Variants in BTNL8 observed in about 807,000 individuals in gnomAD.
BTNL8 encodes butyrophilin-like protein 8.
A neutral mutation model predicts 36.1 loss-of-function variants in BTNL8; 22 were observed. That is an observed-to-expected ratio of 0.61 (90% CI 0.44 to 0.87). The LOEUF (loss-of-function observed/expected upper bound fraction) is 0.87. Among genes scored for constraint, BTNL8 ranks in the 40% least tolerant of loss-of-function variants. The pLI is 0.00. For synonymous variants in BTNL8, 203 were observed against 235.6 expected, an observed-to-expected ratio of 0.86 and a Z score of 1.27; for missense variants, 526 against 616.9, an observed-to-expected ratio of 0.85 and a Z score of 1.56.
At chr5:180,912,684 C>A (rs1757455962) in intron 3 of BTNL8, among the ~76,000 whole-genome samples, 2 of 152,222 alleles carry the variant, frequency 1.3e-5, no homozygotes, top group South Asian at 4.2e-4. Context: ...CACAACATAG[C>A]AAGACCCCGT....
At chr5:180,949,323 G>A in intron 7 of BTNL8, 58 bp downstream of exon 7, 2 of 1,459,476 alleles carry the variant, frequency 1.4e-6, no homozygotes, top group Non-Finnish European at 1.9e-6. Flanking sequence ...ATGAGAGGGG[G>A]AACTGAACAG....
intron 3 of BTNL8, among the ~76,000 whole-genome samples, chr5:180,932,253 G>A (rs1268435743): frequency 2.6e-5 from 4 of 152,200 alleles, no homozygotes; most frequent in Non-Finnish European, 2.9e-5. Context: ...AATACGTAAT[G>A]TAGATGATGA....
At chr5:180,940,996 G>A (rs1758907062) in intron 3 of BTNL8, among the ~76,000 whole-genome samples, 1 of 151,978 alleles carries the variant, frequency 6.6e-6, no homozygotes, top group South Asian at 2.1e-4. Flanking sequence ...AGGAGGCTGA[G>A]GCTGAGAATC....
intron 3 of BTNL8, among the ~76,000 whole-genome samples, chr5:180,933,463 A>G (rs1249565419): frequency 1.3e-5 from 2 of 152,228 alleles, no homozygotes; most frequent in Non-Finnish European, 2.9e-5. Context: ...TCAGACCACA[A>G]TGGTACAACC....
Position 180,950,523 on chromosome 5 carries a change from C to T in BTNL8, c.1482C>T (p.Phe494=). ...SESSSQATTP[F]LPRGEM ...CCTCCTCACAGGCAACCACGCCCTT[C>T]CTCCCCAGGGGTGAAATGTAGGATG... Residue 494 remains phenylalanine, a synonymous_variant, in exon 8 of 8, where the codon TTC becomes TTT. Coordinates refer to ENST00000340184, the MANE Select transcript of BTNL8 (RefSeq NM_001040462.3). 1 of 1,462,880 alleles carries T rather than the reference C, an allele frequency of 6.8e-7. No individual in the cohort carries two copies. The highest frequency in any genetic ancestry group is 1.4e-5 in the African/African-American group (1 of 72,736). The allele number at this position is 1,462,880 out of a possible 1,614,324, so 90.6% of individuals were successfully genotyped here.
At chr5:180,906,527 AC>A (rs1399261159) in intron 1 of BTNL8, among the ~76,000 whole-genome samples, 1 of 123,398 alleles carries the variant, frequency 8.1e-6, no homozygotes, top group Non-Finnish European at 1.6e-5. Context: ...TTTACATTTA[AC>A]GTTAATATTG....
At chr5:180,926,386 A>G (rs1389519716) in intron 3 of BTNL8, among the ~76,000 whole-genome samples, 3 of 152,178 alleles carry the variant, frequency 2.0e-5, no homozygotes, top group Non-Finnish European at 4.4e-5. Context: ...TTTTAAGCAC[A>G]AAACTGGGTG....
intron 3 of BTNL8, among the ~76,000 whole-genome samples, chr5:180,927,877 C>T (rs570490328): frequency 1.1e-4 from 17 of 152,162 alleles, no homozygotes; most frequent in South Asian, 2.1e-4. Flanking sequence ...ATGAAAGTGA[C>T]GGGGAGAATG....
intron 4 of BTNL8, 131 bp downstream of exon 4, chr5:180,947,756 GT>G (rs1759343744): frequency 6.2e-7 from 1 of 1,613,638 alleles, no homozygotes; most frequent in Non-Finnish European, 8.5e-7. Context: ...GCCCAAAAAA[GT>G]AATCATCCTT....
At chr5:180,940,969 T>TG (rs1445830162) in intron 3 of BTNL8, among the ~76,000 whole-genome samples, 1 of 152,034 alleles carries the variant, frequency 6.6e-6, no homozygotes, top group Non-Finnish European at 1.5e-5. Context: ...GGCATGCACC[T>TG]GTAGCCCCAA....
At chr5:180,932,075 T>A (rs888060060) in intron 3 of BTNL8, among the ~76,000 whole-genome samples, 34 of 152,146 alleles carry the variant, frequency 2.2e-4, no homozygotes, top group African/African-American at 8.2e-4. Context: ...CCATCAATGA[T>A]AGGCTGGTTA....
In BTNL8 at chr5:180,949,930, G is replaced by A; in HGVS notation, c.889G>A (p.Ala297Thr). The change falls in exon 8 of 8, where the codon GCT becomes ACT. Residue 297 changes from alanine to threonine, a missense_variant. Physicochemically the swap from Ala to Thr is moderately conservative, Grantham distance 58. Around this residue, in one of 2 missense-constraint regions of BTNL8, gnomAD observed 176 missense variants for 292.3 expected, o/e 0.60. Coordinates refer to ENST00000340184, the MANE Select transcript of BTNL8 (RefSeq NM_001040462.3). Reference protein sequence around the residue: ...AVEVTLDPETAHPKLCVSDLK... With the variant: ...AVEVTLDPETTHPKLCVSDLK... ...GGAGGTGACTCTGGATCCAGAGACG[G>A]CTCACCCGAAGCTCTGCGTTTCTGA... The A allele has an allele frequency of 6.9e-7, 1 of 1,459,270 alleles. No homozygotes were observed. Among genetic ancestry groups the A allele is most frequent in the African/African-American group, 1.4e-5 (1 of 72,200 alleles). 90.4% of individuals were successfully genotyped at this position (1,459,270 alleles called of 1,614,324 possible).
At chr5:180,903,149 A>G (rs1324252365) in intron 1 of BTNL8, among the ~76,000 whole-genome samples, 3 of 120,630 alleles carry the variant, frequency 2.5e-5, no homozygotes, top group Non-Finnish European at 4.9e-5. Context: ...CAACAGTGTA[A>G]AAGTGTTCCT....
At chr5:180,939,298 G>C (rs6869402) in intron 3 of BTNL8, among the ~76,000 whole-genome samples, 68,137 of 151,636 alleles carry the variant, frequency 0.45, 16,396 homozygotes, top group African/African-American at 0.63. Context: ...CCATTATATG[G>C]TGCCCAGAAG....
At chr5:180,911,795 A>C (rs1668224955) in intron 3 of BTNL8, among the ~76,000 whole-genome samples, 181 bp downstream of exon 3, 1 of 152,232 alleles carries the variant, frequency 6.6e-6, no homozygotes, top group Non-Finnish European at 1.5e-5. Flanking sequence ...AGGTGGAAAT[A>C]GAATTGTTTA....
intron 2 of BTNL8, chr5:180,909,934 T>A (rs1294294618): frequency 6.6e-6 from 1 of 152,148 alleles, no homozygotes; most frequent in Non-Finnish European, 1.5e-5. Context: ...TAAATTTTTT[T>A]AAAAACCACT....
chr5:180,948,540 C>A, intron 5 of BTNL8, 165 bp downstream of exon 5: 1 of 1,593,586 alleles, frequency 6.3e-7, no homozygotes, highest in Non-Finnish European at 8.6e-7. Flanking sequence ...TCATGAGTTA[C>A]CCCTCGGACA....
In BTNL8 at chr5:180,950,088, C is replaced by G. The variant is rs753548010; in HGVS notation, c.1047C>G (p.His349Gln). The G allele has an allele frequency of 6.8e-7, 1 of 1,462,826 alleles. No individual in the cohort carries two copies. The highest frequency in any genetic ancestry group is 9.4e-7 in the Non-Finnish European group (1 of 1,058,772). The allele number at this position is 1,462,826 out of a possible 1,614,324, so 90.6% of individuals were successfully genotyped here. A position where few individuals can be genotyped will look rare whatever the true frequency, so the allele number is the denominator to read the frequency against. Residue 349 changes from histidine (H) to glutamine (Q), a missense_variant, in exon 8 of 8, where the codon CAC (histidine) becomes CAG (glutamine). This residue lies in a region of BTNL8 where 176 missense variants were observed against 292.3 expected (regional missense o/e 0.60). Coordinates refer to ENST00000340184, the MANE Select transcript of BTNL8 (RefSeq NM_001040462.3). ...ATTACTGGGAGGTGGACGGAGGACA[C>G]AATAAAAGGTGGCGCGTGGGAGTGT... The part of the protein sequence containing the change: ...GKHYWEVDGG[H>Q]NKRWRVGVCR...
intron 4 of BTNL8, 54 bp from the exon 5 acceptor site, chr5:180,948,301 T>C: frequency 1.4e-6 from 2 of 1,463,572 alleles, no homozygotes; most frequent in Non-Finnish European, 1.9e-6. Flanking sequence ...CAGCGTCGTG[T>C]TTGTGCCTTG....
Sources: gnomAD v4.1 joint callset for allele counts (sites outside exome capture counted in the v4.1 genomes callset) on GRCh38, gnomAD v4.1.1 for gene constraint, gnomAD v4.1.1 regional missense constraint, MANE v1.5 for transcripts, NCBI Gene and HGNC (gene_info 2026-07-23, HGNC 2026-07-21) for gene names.